LBP: variants seen among roughly 807,000 people sequenced by gnomAD.
LBP encodes lipopolysaccharide binding protein.
In LBP, 53 loss-of-function variants were observed where a neutral mutation model predicts 56.6. The ratio of observed to expected loss-of-function variants is 0.94; its 90% CI spans 0.75 to 1.18. The LOEUF (loss-of-function observed/expected upper bound fraction) is 1.18. LBP is among the 50% of genes most tolerant of loss of function. The pLI is 0.00. For synonymous variants in LBP, 227 were observed against 247.5 expected (o/e 0.92, Z 0.78); for missense variants, 601 against 598.3 (o/e 1.00, Z -0.05).
intron 14 of LBP, among the ~76,000 whole-genome samples, chr20:38,375,107 A>G (rs945717835): frequency 6.6e-6 from 1 of 151,632 alleles, no homozygotes; most frequent in Non-Finnish European, 1.5e-5. Context: ...AACACTATAT[A>G]TGTTTACAAA....
At chr20:38,354,149 G>T in intron 3 of LBP, 135 bp from the exon 4 acceptor site, 1 of 681,048 alleles carries the variant, frequency 1.5e-6, no homozygotes, top group Middle Eastern at 2.6e-4. Flanking sequence ...GATCTTTTAT[G>T]GCTTTATTTG....
intron 10 of LBP, 84 bp from the exon 11 acceptor site, chr20:38,370,654 G>T (rs751234372): frequency 8.2e-7 from 1 of 1,215,642 alleles, no homozygotes; most frequent in Non-Finnish European, 1.2e-6. Context: ...TTGTTGAGAG[G>T]AGACAGTTGG....
intron 14 of LBP, 51 bp downstream of exon 14, chr20:38,374,064 G>A (rs1210972727): frequency 6.4e-7 from 1 of 1,565,410 alleles, no homozygotes; most frequent in South Asian, 1.1e-5. Flanking sequence ...GAGGTGGTTT[G>A]CATGCTAGCT....
intron 6 of LBP, among the ~76,000 whole-genome samples, chr20:38,361,008 C>T (rs1219625422): frequency 6.6e-6 from 1 of 151,728 alleles, no homozygotes; most frequent in Non-Finnish European, 1.5e-5. Flanking sequence ...ACTAAAAATA[C>T]AGAATTAGCC....
At position 38,360,703 on chromosome 20, in the gene LBP, G is replaced by T. The variant is rs140824493; in HGVS notation, c.589-1G>T. On this transcript the variant is annotated splice_acceptor_variant, in intron 5 of 14. Coordinates refer to ENST00000217407, the MANE Select transcript of LBP (RefSeq NM_004139.5). LOFTEE classifies it high-confidence loss of function. ...AGTCATTCTCTTCCCATGTTTTTCA[G>T]ATTTGCGAAATGATCCAGAAATCAG... is the stretch of plus-strand genomic sequence containing the variant. 121 of 1,611,474 alleles carry T rather than the reference G, an allele frequency of 7.5e-5. No individual in the cohort carries two copies. The highest frequency in any genetic ancestry group is 6.2e-4 in the South Asian group (56 of 91,022).
At chr20:38,352,533 T>C (rs2076824020) in intron 3 of LBP, among the ~76,000 whole-genome samples, 1 of 152,160 alleles carries the variant, frequency 6.6e-6, no homozygotes, top group Non-Finnish European at 1.5e-5. Flanking sequence ...GGCAGGTGGA[T>C]CATTTGAGGT....
chr20:38,346,772 G>A, intron 1 of LBP, 132 bp downstream of exon 1: 4 of 1,285,756 alleles, frequency 3.1e-6, no homozygotes, highest in Non-Finnish European at 4.3e-6. Context: ...GGGTCAGGTG[G>A]CTCTGGCTCC....
Position 38,373,054 on chromosome 20 carries a change from T to G in LBP, c.1261-18T>G. ...GGCCCTGTGGCGATGTAAATATATC[T>G]CTCCTGTTCTCTTCCAGGCAGAGCT... On this transcript the variant is annotated intron_variant, in intron 12 of 14. Transcript: ENST00000217407. 1 of 1,611,244 alleles carries G rather than the reference T, an allele frequency of 6.2e-7. No homozygotes were observed. Among genetic ancestry groups the G allele is most frequent in the Non-Finnish European group, 8.5e-7 (1 of 1,177,334 alleles).
At chr20:38,357,908 A>G (rs551577258) in intron 5 of LBP, among the ~76,000 whole-genome samples, 10 of 152,324 alleles carry the variant, frequency 6.6e-5, no homozygotes, top group South Asian at 2.1e-4. Flanking sequence ...TAGCATGCCA[A>G]TGTATTATAA....
chr20:38,366,754 G>A lies in LBP; in HGVS notation c.922-15G>A, dbSNP rs370381767. 1.2e-6 allele frequency: 2 copies of A among 1,613,728 alleles called. No homozygotes were observed. The highest frequency in any genetic ancestry group is 8.5e-7 in the Non-Finnish European group (1 of 1,179,814). On this transcript the variant is annotated splice_polypyrimidine_tract_variant and intron_variant, in intron 8 of 14. Transcript: ENST00000217407. ...CGGGAGCACCCTAAAACTTCTTCAT[G>A]TCTCTTTGCTGCAGATACCGCCTGA...
In LBP at chr20:38,363,966, C is replaced by T. The variant is rs2122614875; in HGVS notation, c.653-9C>T. Reference sequence around the variant, plus strand: ...CTGGCCCCTAATTCTGCCCTGTCCTCATTCACAGTTACAACAGAGATTGAC... The same window carrying T: ...CTGGCCCCTAATTCTGCCCTGTCCTTATTCACAGTTACAACAGAGATTGAC... On this transcript the variant is annotated splice_polypyrimidine_tract_variant and intron_variant, in intron 6 of 14. Coordinates refer to ENST00000217407, the MANE Select transcript of LBP (RefSeq NM_004139.5). The T allele has an allele frequency of 6.2e-7, 1 of 1,606,958 alleles. No homozygotes were observed. Among genetic ancestry groups the T allele is most frequent in the South Asian group, 1.1e-5 (1 of 90,944 alleles).
chr20:38,367,652 C>T (rs2076886883), intron 9 of LBP, among the ~76,000 whole-genome samples: 1 of 152,156 alleles, frequency 6.6e-6, no homozygotes, highest in Non-Finnish European at 1.5e-5. Context: ...TATACAGGTT[C>T]ACTATCTCTT....
rs11536997 is a variant in LBP at position 38,376,987 on chromosome 20, C to T, written c.*318C>T. On this transcript the variant is annotated 3_prime_UTR_variant, in exon 15 of 15. Coordinates refer to ENST00000217407, the MANE Select transcript of LBP (RefSeq NM_004139.5). Reference sequence around the variant, plus strand: ...AGCAGAGTGCTGGCACTTAGTAGGTCCTCAATAAATATTTATTAAATGATG... The same window carrying T: ...AGCAGAGTGCTGGCACTTAGTAGGTTCTCAATAAATATTTATTAAATGATG... 0.02 allele frequency: 10,275 copies of T among 517,698 alleles called. 146 individuals carry two copies. The highest frequency in any genetic ancestry group is 0.025 in the Non-Finnish European group (6,661 of 267,432). 32.1% of individuals were successfully genotyped at this position (517,698 alleles called of 1,614,324 possible). A position where few individuals can be genotyped will look rare whatever the true frequency, so the allele number is the denominator to read the frequency against.
At chr20:38,369,227 A>G (rs2076893198) in intron 10 of LBP, 65 bp downstream of exon 10, 1 of 1,477,666 alleles carries the variant, frequency 6.8e-7, no homozygotes. Flanking sequence ...TTTTCCCCAC[A>G]TGCTTTTCTC....
chr20:38,369,195 C>T, intron 10 of LBP, 33 bp downstream of exon 10: 4 of 1,580,184 alleles, frequency 2.5e-6, no homozygotes, highest in Non-Finnish European at 3.4e-6. Context: ...ATGCTGTTTC[C>T]TTTTCCCCAC....
chr20:38,361,856 C>T lies in LBP; in HGVS notation c.652+1089C>T, dbSNP rs569063045. On this transcript the variant is annotated intron_variant, in intron 6 of 14. Transcript: ENST00000217407. Reference sequence around the variant, plus strand: ...GGTTTTTCAGAGCCCCTGGTGTCCCCCTCGGTCACTGCCCAGCCCTCCAGG... The same window carrying T: ...GGTTTTTCAGAGCCCCTGGTGTCCCTCTCGGTCACTGCCCAGCCCTCCAGG... Among the ~76,000 whole-genome samples the T allele has an allele frequency of 6.6e-5, 10 of 151,856 alleles. No individual in the cohort carries two copies. The East Asian group carries it at 1.2e-3, about 18-fold the overall frequency.
At chr20:38,376,592 C>T (rs2083959666) in intron 14 of LBP, 33 bp from the exon 15 acceptor site, 3 of 1,596,660 alleles carry the variant, frequency 1.9e-6, no homozygotes, top group Non-Finnish European at 2.6e-6. Flanking sequence ...AGAGGATGCT[C>T]TTTACCATCC....
rs770882466 is a variant in LBP at position 38,346,502 on chromosome 20, C to T, written c.-15C>T. On this transcript the variant is annotated 5_prime_UTR_variant, in exon 1 of 15. Coordinates refer to ENST00000217407, the MANE Select transcript of LBP (RefSeq NM_004139.5). ...CAGCTGGGACAGTCCTGGCCCACTG[C>T]ACTGGGAATCTAGGATGGGGGCCTT... 2.5e-6 allele frequency: 4 copies of T among 1,613,268 alleles called. No individual in the cohort carries two copies. Among genetic ancestry groups the T allele is most frequent in the Non-Finnish European group, 3.4e-6 (4 of 1,179,816 alleles).
chr20:38,369,409 G>C (rs190244952), intron 10 of LBP, among the ~76,000 whole-genome samples: 1 of 152,280 alleles, frequency 6.6e-6, no homozygotes, highest in African/African-American at 2.4e-5. Context: ...CTTTGTAGCT[G>C]TCTGCAGGTG....
Sources: allele counts gnomAD v4.1 joint callset (sites outside exome capture counted in the v4.1 genomes callset), GRCh38; gene constraint gnomAD v4.1.1; transcripts MANE v1.5; gene names NCBI Gene and HGNC (gene_info 2026-07-23, HGNC 2026-07-21).